The following KIF16B variants were observed in gnomAD, a reference collection of about 807,000 sequenced individuals.
The protein encoded by KIF16B is kinesin-like protein KIF16B.
A neutral mutation model predicts 156.3 loss-of-function variants in KIF16B; 98 were observed. That is an observed-to-expected ratio of 0.63 (90% CI 0.53 to 0.74). The LOEUF is 0.74. Ranked by LOEUF, KIF16B falls within the 30% of genes least tolerant of loss-of-function variation. The pLI is 0.00. For synonymous variants in KIF16B, 564 were observed against 583.7 expected (o/e 0.97, Z 0.49); for missense variants, 1,421 against 1,606.5 (o/e 0.88, Z 1.97).
At chr20:16,280,867 T>TGTGTGTGTGTGCGC (rs758721339) in intron 25 of KIF16B, among the ~76,000 whole-genome samples, 63 of 150,896 alleles carry the variant, frequency 4.2e-4, no homozygotes, top group African/African-American at 1.4e-3. Context: ...TGTGTGTGTG[T>TGTGTGTGTGTGCGC]GCGCAGAAAA....
At chr20:16,439,699 G>A (rs570385784) in intron 12 of KIF16B, among the ~76,000 whole-genome samples, 8 of 152,176 alleles carry the variant, frequency 5.3e-5, no homozygotes, top group South Asian at 4.1e-4. Context: ...ATGGTTCCAC[G>A]TGGCTGGGGA....
chr20:16,568,935 C>A (rs533791124), intron 1 of KIF16B, among the ~76,000 whole-genome samples: 6 of 148,958 alleles, frequency 4.0e-5, no homozygotes, highest in Non-Finnish European at 5.9e-5. Context: ...TTTGTCTCCC[C>A]CTAAAATTCA....
chr20:16,416,510 G>A (rs1009922760), intron 15 of KIF16B, among the ~76,000 whole-genome samples: 1 of 152,074 alleles, frequency 6.6e-6, no homozygotes, highest in Non-Finnish European at 1.5e-5. Context: ...TCACTTGTAA[G>A]TGGGAGCTGA....
chr20:16,440,683 A>C (rs1306099673), intron 12 of KIF16B, among the ~76,000 whole-genome samples: 1 of 151,970 alleles, frequency 6.6e-6, no homozygotes, highest in Admixed American at 6.6e-5. Context: ...GGCACCAACA[A>C]ACCTAAATGT....
chr20:16,513,358 C>T lies in KIF16B; in HGVS notation c.349-435G>A, dbSNP rs113958613. ...TGCCTTAAAAACTTAGGTAACAAGA[C>T]CACATTAAAATCCATGCTGGCCGGG... On this transcript the variant is annotated intron_variant, in intron 4 of 25. Transcript: ENST00000354981. 3.8e-3 allele frequency among the ~76,000 whole-genome samples: 579 copies of T among 152,190 alleles called. 1 individual carries two copies. The highest frequency in any genetic ancestry group is 0.013 in the African/African-American group (532 of 41,514).
In KIF16B at chr20:16,374,364, G is replaced by A. The variant is rs567987197; in HGVS notation, c.3243C>T (p.Val1081=). The A allele has an allele frequency of 5.9e-5, 94 of 1,598,806 alleles. No individual in the cohort carries two copies. The highest frequency in any genetic ancestry group is 9.0e-5 in the East Asian group (4 of 44,406). The change falls in exon 20 of 26, where the codon GTC becomes GTT. Residue 1081 remains valine (V), a synonymous_variant. Transcript: ENST00000354981. ...CATGATGATCTTTTTGAACACCATCGACCTCATAAATCTTCTGTTTCAGCT... is the reference window on the plus strand; with the variant it reads ...CATGATGATCTTTTTGAACACCATCAACCTCATAAATCTTCTGTTTCAGCT... ...IQQLKQKIYE[V]DGVQKDHHGT...
At chr20:16,368,117 G>A (rs112679833) in intron 22 of KIF16B, 2 of 1,250,838 alleles carry the variant, frequency 1.6e-6, no homozygotes, top group African/African-American at 1.5e-5. Flanking sequence ...GGTTCTGGTA[G>A]AGAACAAGTC....
At chr20:16,370,149 C>T (rs1385733878) in intron 22 of KIF16B, among the ~76,000 whole-genome samples, 1 of 152,062 alleles carries the variant, frequency 6.6e-6, no homozygotes, top group Non-Finnish European at 1.5e-5. Flanking sequence ...AAATTGCATG[C>T]CCAAATAAAC....
At chr20:16,427,848 T>G (rs2146424440) in intron 14 of KIF16B, among the ~76,000 whole-genome samples, 1 of 152,224 alleles carries the variant, frequency 6.6e-6, no homozygotes, top group South Asian at 2.1e-4. Flanking sequence ...CATGTATAAC[T>G]CTCCTAGATT....
intron 22 of KIF16B, among the ~76,000 whole-genome samples, chr20:16,369,961 G>A (rs749589124): frequency 1.4e-4 from 21 of 152,122 alleles, no homozygotes; most frequent in Non-Finnish European, 2.1e-4. Flanking sequence ...GTGTGGCTGC[G>A]GCCAAAGTCA....
At chr20:16,437,934 G>T (rs1182006522) in intron 12 of KIF16B, among the ~76,000 whole-genome samples, 1 of 151,144 alleles carries the variant, frequency 6.6e-6, no homozygotes, top group Non-Finnish European at 1.5e-5. Flanking sequence ...GGAGTTCAAG[G>T]CTAGCCTGGA....
rs1004317288 is a variant in KIF16B at position 16,457,208 on chromosome 20, AT to A, written c.1303-27227del. ...TAGAGACAGGTAATGCAAGTGTTTC[AT>A]TTTTTTTTAAGAACAACAACAACAA... On this transcript the variant is annotated intron_variant, in intron 12 of 25. Transcript: ENST00000354981. 2.0e-5 allele frequency among the ~76,000 whole-genome samples: 3 copies of A among 151,376 alleles called. No homozygotes were observed. In the East Asian group the frequency reaches 5.8e-4, roughly 29 times the overall value.
chr20:16,554,718 C>G (rs1490097829), intron 1 of KIF16B, among the ~76,000 whole-genome samples: 2 of 152,206 alleles, frequency 1.3e-5, no homozygotes, highest in Non-Finnish European at 2.9e-5. Flanking sequence ...GAGCCCAGGC[C>G]TAGGAGCTCC....
intron 14 of KIF16B, 36 bp from the exon 15 acceptor site, chr20:16,427,277 C>G: frequency 6.3e-7 from 1 of 1,577,008 alleles, no homozygotes; most frequent in Non-Finnish European, 8.6e-7. Context: ...GAATTTTTCC[C>G]CCTTTTCTAC....
intron 15 of KIF16B, among the ~76,000 whole-genome samples, chr20:16,414,581 T>C (rs577961134): frequency 6.6e-6 from 1 of 152,200 alleles, no homozygotes; most frequent in South Asian, 2.1e-4. Context: ...AGAAAGAAAA[T>C]TGATTTTCAA....
chr20:16,337,607 G>T (rs904340270), intron 23 of KIF16B, among the ~76,000 whole-genome samples: 3 of 152,190 alleles, frequency 2.0e-5, no homozygotes, highest in African/African-American at 7.2e-5. Context: ...GCAGTAGTAA[G>T]CATTTAAAGC....
rs2063008767 is a variant in KIF16B, at chr20:16,273,285, C to T, written c.3922G>A (p.Val1308Ile). 1 of 1,614,114 alleles carries T rather than the reference C, an allele frequency of 6.2e-7. No homozygotes were observed. Among genetic ancestry groups the T allele is most frequent in the Non-Finnish European group, 8.5e-7 (1 of 1,179,982 alleles). Residue 1308 changes from valine to isoleucine, a missense_variant, in exon 26 of 26, where the codon GTC becomes ATC. By Grantham distance (29) the Val-to-Ile change is conservative. Coordinates refer to ENST00000354981, the MANE Select transcript of KIF16B (RefSeq NM_024704.5). ...GTCCCGTGGCTGCTGTAGTCAAAGACTCCTTTCTTGAAGAATGGTGAAAAC... is the reference window on the plus strand; with the variant it reads ...GTCCCGTGGCTGCTGTAGTCAAAGATTCCTTTCTTGAAGAATGGTGAAAAC... ...CEFSPFFKKG[V>I]FDYSSHGTG
chr20:16,372,738 C>T (rs1268829942), intron 20 of KIF16B, among the ~76,000 whole-genome samples: 1 of 152,214 alleles, frequency 6.6e-6, no homozygotes, highest in Non-Finnish European at 1.5e-5. Context: ...GCTCTTGTCT[C>T]TCAGCCTGGA....
intron 15 of KIF16B, among the ~76,000 whole-genome samples, chr20:16,422,538 A>C (rs1332217392): frequency 6.6e-6 from 1 of 152,080 alleles, no homozygotes; most frequent in Non-Finnish European, 1.5e-5. Context: ...AAAATAGTTC[A>C]AAGGTGGGGG....
Sources: allele counts gnomAD v4.1 joint callset (sites outside exome capture counted in the v4.1 genomes callset), GRCh38; gene constraint gnomAD v4.1.1; transcripts MANE v1.5; gene names NCBI Gene and HGNC (gene_info 2026-07-23, HGNC 2026-07-21).